Variants in DLC1 observed in about 807,000 individuals in gnomAD.
The protein encoded by DLC1 is DLC1 Rho GTPase activating protein.
In DLC1, 54 loss-of-function variants were observed where a neutral mutation model predicts 140.3. The ratio of observed to expected loss-of-function variants is 0.38; its 90% CI spans 0.31 to 0.48. The LOEUF (loss-of-function observed/expected upper bound fraction) is 0.48, where lower values mean the gene tolerates loss of function less well. DLC1 is among the 20% of genes least tolerant of loss of function. The pLI is 0.96. For missense variants in DLC1, 2,536 were observed against 1,907.0 expected, an observed-to-expected ratio of 1.33 and a Z score of -6.14; for synonymous variants, 986 against 728.1, an observed-to-expected ratio of 1.35 and a Z score of -5.70.
chr8:13,152,288 T>A (rs1170409498), intron 5 of DLC1, among the ~76,000 whole-genome samples: 1 of 152,210 alleles, frequency 6.6e-6, no homozygotes, highest in African/African-American at 2.4e-5. Context: ...GTTAACAACT[T>A]TGCATGCTTC....
At chr8:13,137,041 A>G (rs555983953) in intron 5 of DLC1, among the ~76,000 whole-genome samples, 3 of 152,340 alleles carry the variant, frequency 2.0e-5, no homozygotes, top group African/African-American at 7.2e-5. Flanking sequence ...AAAACATGAA[A>G]TCCTATTTAA....
rs997690817 is a variant in DLC1 at position 13,485,881 on chromosome 8, C to G, written c.1023+13168G>C. ...TTTCTAGTCTAAGCAGAATTTTAAG[C>G]ATAAAAATTTAGTGCTTTATGTGAT... On this transcript the variant is annotated intron_variant, in intron 2 of 17. Coordinates refer to ENST00000276297, the MANE Select transcript of DLC1 (RefSeq NM_182643.3). Among the ~76,000 whole-genome samples the G allele has an allele frequency of 6.6e-5, 10 of 152,108 alleles. 1 individual carries two copies. Among genetic ancestry groups the G allele is most frequent in the Admixed American group, 6.6e-4 (10 of 15,264 alleles).
chr8:13,396,233 G>A (rs893063283), intron 3 of DLC1, among the ~76,000 whole-genome samples: 3 of 151,478 alleles, frequency 2.0e-5, no homozygotes, highest in African/African-American at 7.3e-5. Context: ...CTAAATTTTT[G>A]TATTTTTACT....
chr8:13,348,014 G>A (rs539359977), intron 4 of DLC1, among the ~76,000 whole-genome samples: 7 of 152,160 alleles, frequency 4.6e-5, no homozygotes, highest in East Asian at 1.9e-4. Flanking sequence ...GCGTGAACCC[G>A]GGAGACATAG....
At chr8:13,494,845 G>A (rs1801429643) in intron 2 of DLC1, among the ~76,000 whole-genome samples, 1 of 152,100 alleles carries the variant, frequency 6.6e-6, no homozygotes, top group Non-Finnish European at 1.5e-5. Flanking sequence ...CAGCTACTAA[G>A]GAGGCTGAGG....
intron 5 of DLC1, among the ~76,000 whole-genome samples, chr8:13,135,754 T>G (rs185361386): frequency 6.6e-6 from 1 of 152,194 alleles, no homozygotes. Flanking sequence ...GTCTTTTTAT[T>G]CCACTTAGCA....
intron 2 of DLC1, among the ~76,000 whole-genome samples, chr8:13,465,378 G>A (rs567367625): frequency 7.2e-5 from 11 of 152,242 alleles, no homozygotes; most frequent in African/African-American, 2.4e-4. Context: ...TGTATAGGGA[G>A]TTCCTGTTGA....
At chr8:13,462,803 A>G (rs1238777730) in intron 2 of DLC1, among the ~76,000 whole-genome samples, 1 of 152,206 alleles carries the variant, frequency 6.6e-6, no homozygotes, top group East Asian at 1.9e-4. Flanking sequence ...CATTCACCAG[A>G]TTGGAATCAA....
chr8:13,429,531 T>G (rs1022495632), intron 2 of DLC1, among the ~76,000 whole-genome samples: 1 of 151,964 alleles, frequency 6.6e-6, no homozygotes, highest in Non-Finnish European at 1.5e-5. Flanking sequence ...AAAGCTTAGA[T>G]GTACAGCTAC....
At chr8:13,134,818 T>C (rs1260098078) in intron 5 of DLC1, among the ~76,000 whole-genome samples, 1 of 152,098 alleles carries the variant, frequency 6.6e-6, no homozygotes, top group Non-Finnish European at 1.5e-5. Context: ...ATAAATAAGC[T>C]AACTTCCACT....
intron 2 of DLC1, among the ~76,000 whole-genome samples, chr8:13,445,786 C>T (rs1426812603): frequency 1.3e-5 from 2 of 152,278 alleles, no homozygotes; most frequent in East Asian, 1.9e-4. Context: ...AGGTTATTAG[C>T]TTAAAACCTG....
At chr8:13,462,355 C>A (rs1799705732) in intron 2 of DLC1, among the ~76,000 whole-genome samples, 2 of 150,828 alleles carry the variant, frequency 1.3e-5, no homozygotes, top group African/African-American at 4.9e-5. Context: ...ACTTGGCTGA[C>A]AATGTATCCT....
chr8:13,118,669 T>G (rs916191035), intron 5 of DLC1, among the ~76,000 whole-genome samples: 3 of 152,200 alleles, frequency 2.0e-5, no homozygotes, highest in Admixed American at 6.5e-5. Context: ...GTACTAACAA[T>G]CCAATGTACG....
intron 5 of DLC1, among the ~76,000 whole-genome samples, chr8:13,287,764 G>A (rs1036400651): frequency 4.6e-5 from 7 of 151,998 alleles, no homozygotes; most frequent in South Asian, 2.1e-4. Context: ...CAAGAATGTC[G>A]AAAAGTGAAA....
chr8:13,535,842 C>G (rs1314839474), intron 1 of DLC1, among the ~76,000 whole-genome samples: 1 of 151,914 alleles, frequency 6.6e-6, no homozygotes, highest in Non-Finnish European at 1.5e-5. Context: ...TAGATTTTGA[C>G]CAATCAGTAT....
intron 2 of DLC1, among the ~76,000 whole-genome samples, chr8:13,464,534 C>T (rs1353668129): frequency 1.3e-5 from 2 of 151,610 alleles, no homozygotes; most frequent in Admixed American, 6.6e-5. Context: ...AACATATGTC[C>T]CATATATGTA....
chr8:13,318,906 A>C (rs1226927089), intron 4 of DLC1, among the ~76,000 whole-genome samples: 1 of 152,218 alleles, frequency 6.6e-6, no homozygotes, highest in Admixed American at 6.5e-5. Flanking sequence ...GAAAGTGTTT[A>C]TACACTTTCA....
At chr8:13,517,367 T>C (rs1802622527), upstream of DLC1, among the ~76,000 whole-genome samples, 1 of 152,346 alleles carries the variant, frequency 6.6e-6, no homozygotes, top group East Asian at 1.9e-4. Context: ...GCCTTTTAGA[T>C]ATCTAGAAAC....
intron 5 of DLC1, among the ~76,000 whole-genome samples, chr8:13,197,968 T>C (rs28447291): frequency 0.52 from 78,590 of 151,748 alleles, 20,824 homozygotes; most frequent in East Asian, 0.84. Flanking sequence ...AAAGATTGCC[T>C]AGGTGCAGTA....
Sources: gnomAD v4.1 joint callset for allele counts (sites outside exome capture counted in the v4.1 genomes callset) on GRCh38, gnomAD v4.1.1 for gene constraint, MANE v1.5 for transcripts, NCBI Gene and HGNC (gene_info 2026-07-23, HGNC 2026-07-21) for gene names.